ABCB5: variants seen among roughly 807,000 people sequenced by gnomAD.
ABCB5 encodes ATP binding cassette subfamily B member 5.
In ABCB5, 155 loss-of-function variants were observed where a neutral mutation model predicts 144.2. The ratio of observed to expected loss-of-function variants is 1.08; its 90% CI spans 0.94 to 1.23. The LOEUF is 1.23. Among genes scored for constraint, ABCB5 ranks in the 50% most tolerant of loss-of-function variants. The pLI is 0.00. For synonymous variants in ABCB5, 610 were observed against 528.6 expected (o/e 1.15, Z -2.11); for missense variants, 1,830 against 1,520.8 (o/e 1.20, Z -3.38).
chr7:20,689,465 C>T (rs1241519746), intron 16 of ABCB5, among the ~76,000 whole-genome samples: 1 of 152,154 alleles, frequency 6.6e-6, no homozygotes, highest in East Asian at 1.9e-4. Flanking sequence ...AAGAAGCTAG[C>T]CAAGATTGTC....
At chr7:20,626,657 G>A in intron 3 of ABCB5, 46 bp downstream of exon 3, 1 of 1,522,212 alleles carries the variant, frequency 6.6e-7, no homozygotes, top group Non-Finnish European at 9.0e-7. Flanking sequence ...AGATTTTAGA[G>A]ACTTGTCAGT....
Position 20,727,089 on chromosome 7 carries a change from G to A in ABCB5, c.2675G>A (p.Arg892Lys). ...ENIRTIVSLT[R>K]EKAFEQMYEE... ...ATACGTACTATAGTGTCATTAACAA[G>A]GGAAAAAGCCTTCGAGCAAATGTAT... The change falls in exon 22 of 28, where the codon AGG (arginine) becomes AAG (lysine). Residue 892 changes from arginine (R) to lysine (K), a missense_variant. Physicochemically the swap from Arg to Lys is conservative, Grantham distance 26. Coordinates refer to ENST00000404938, the MANE Select transcript of ABCB5 (RefSeq NM_001163941.2). The A allele has an allele frequency of 1.2e-6, 2 of 1,613,602 alleles. No homozygotes were observed. Among genetic ancestry groups the A allele is most frequent in the Non-Finnish European group, 1.7e-6 (2 of 1,179,776 alleles).
At chr7:20,674,995 T>A (rs1233802382) in intron 14 of ABCB5, among the ~76,000 whole-genome samples, 1 of 151,778 alleles carries the variant, frequency 6.6e-6, no homozygotes, top group Admixed American at 6.6e-5. Context: ...GATGAAAAAA[T>A]TAGAGAAGAC....
At chr7:20,751,856 G>A (rs542514383) in intron 26 of ABCB5, among the ~76,000 whole-genome samples, 5 of 152,350 alleles carry the variant, frequency 3.3e-5, no homozygotes, top group Admixed American at 6.5e-5. Context: ...AGAAAACAGC[G>A]AAAGTCTGTA....
intron 5 of ABCB5, among the ~76,000 whole-genome samples, chr7:20,635,864 T>C (rs1396857452): frequency 6.6e-6 from 1 of 152,192 alleles, no homozygotes; most frequent in East Asian, 1.9e-4. Flanking sequence ...TTTGACTTTC[T>C]CTTTTCCAAT....
intron 25 of ABCB5, 140 bp downstream of exon 25, chr7:20,743,214 C>T (rs897207458): frequency 2.9e-5 from 25 of 856,564 alleles, no homozygotes; most frequent in Non-Finnish European, 4.1e-5. Flanking sequence ...CTGTGTCAAC[C>T]CTTAACTAAG....
chr7:20,639,987 G>A (rs1392293858), intron 5 of ABCB5, among the ~76,000 whole-genome samples: 1 of 151,958 alleles, frequency 6.6e-6, no homozygotes, highest in Non-Finnish European at 1.5e-5. Context: ...CCATCAACAT[G>A]GATTGTCTCT....
intron 3 of ABCB5, among the ~76,000 whole-genome samples, chr7:20,626,838 T>C (rs1347660706): frequency 6.8e-6 from 1 of 147,624 alleles, no homozygotes; most frequent in African/African-American, 2.5e-5. Context: ...ACTCAGTGTT[T>C]TAAAAGTGTT....
rs1562544031 is a variant in ABCB5, at chr7:20,658,483, GCTT to G, written c.1537-19_1537-17del. 1.2e-6 allele frequency: 2 copies of G among 1,609,208 alleles called. No individual in the cohort carries two copies. Among genetic ancestry groups the G allele is most frequent in the Admixed American group, 3.4e-5 (2 of 59,368 alleles). ...TGATCACGCTGCCTTCTGTTTCTGT[GCTT>G]CTTTCCTATTTTTCATTAGAAATTT... On this transcript the variant is annotated intron_variant, in intron 13 of 27. Transcript: ENST00000404938.
chr7:20,651,475 A>G lies in ABCB5; in HGVS notation c.1388A>G (p.His463Arg). ...RALNVRHYRD[H>R]IGVVSQEPVL... ...TTAAATGTGCGGCATTATCGAGACC[A>G]TATTGGAGTGGTTAGTCAAGAGCCT... Residue 463 changes from histidine (H) to arginine (R), a missense_variant, in exon 13 of 28, where the codon CAT becomes CGT. His to Arg is a conservative substitution (Grantham distance 29, BLOSUM62 0). Coordinates refer to ENST00000404938, the MANE Select transcript of ABCB5 (RefSeq NM_001163941.2). 1 of 1,614,154 alleles carries G rather than the reference A, an allele frequency of 6.2e-7. No homozygotes were observed. Among genetic ancestry groups the G allele is most frequent in the Non-Finnish European group, 8.5e-7 (1 of 1,180,018 alleles).
intron 13 of ABCB5, 68 bp from the exon 14 acceptor site, chr7:20,658,438 C>A: frequency 2.0e-6 from 3 of 1,486,552 alleles, no homozygotes; most frequent in South Asian, 2.5e-5. Flanking sequence ...CTGGGATTGT[C>A]ATTTCCTGTT....
At chr7:20,697,228 A>T (rs1365190589) in intron 16 of ABCB5, among the ~76,000 whole-genome samples, 6 of 152,204 alleles carry the variant, frequency 3.9e-5, no homozygotes, top group Non-Finnish European at 5.9e-5. Flanking sequence ...CTGAAAATGG[A>T]CTTTAAAGGC....
At chr7:20,675,784 A>G (rs979938801) in intron 14 of ABCB5, among the ~76,000 whole-genome samples, 12 of 152,018 alleles carry the variant, frequency 7.9e-5, no homozygotes, top group Non-Finnish European at 1.5e-5. Flanking sequence ...TATCTAAAAT[A>G]TATAAGGAAC....
chr7:20,721,919 T>C (rs1379128342), intron 20 of ABCB5, among the ~76,000 whole-genome samples: 1 of 152,206 alleles, frequency 6.6e-6, no homozygotes, highest in African/African-American at 2.4e-5. Context: ...AGAATTTATA[T>C]GCATAACTCA....
intron 5 of ABCB5, among the ~76,000 whole-genome samples, chr7:20,633,724 A>G (rs1784089779): frequency 6.6e-6 from 1 of 152,064 alleles, no homozygotes; most frequent in Non-Finnish European, 1.5e-5. Context: ...TATTTCTCCT[A>G]TCTACCTATA....
chr7:20,667,578 T>C, intron 14 of ABCB5: 1 of 959,666 alleles, frequency 1.0e-6, no homozygotes, highest in Non-Finnish European at 1.2e-6. Flanking sequence ...TGTTGGAGAG[T>C]ATTGTGAAAT....
chr7:20,725,385 C>A (rs1237487617), intron 21 of ABCB5, among the ~76,000 whole-genome samples: 2 of 152,192 alleles, frequency 1.3e-5, no homozygotes, highest in Non-Finnish European at 2.9e-5. Context: ...TCGAGACCAG[C>A]CTGACCAACA....
chr7:20,679,637 T>C (rs1229330056), intron 14 of ABCB5, among the ~76,000 whole-genome samples: 1 of 151,292 alleles, frequency 6.6e-6, no homozygotes, highest in African/African-American at 2.4e-5. Context: ...TGAGAAAAAA[T>C]GTGGACAATT....
At chr7:20,640,930 A>G (rs1471931768) in intron 5 of ABCB5, among the ~76,000 whole-genome samples, 1 of 152,100 alleles carries the variant, frequency 6.6e-6, no homozygotes, top group Non-Finnish European at 1.5e-5. Flanking sequence ...AGTCACTAAC[A>G]GTCCTTGGCC....
Sources: gnomAD v4.1 joint callset for allele counts (sites outside exome capture counted in the v4.1 genomes callset) on GRCh38, gnomAD v4.1.1 for gene constraint, MANE v1.5 for transcripts, NCBI Gene and HGNC (gene_info 2026-07-23, HGNC 2026-07-21) for gene names.